The following SMC5 variants were observed in gnomAD, a reference collection of about 807,000 sequenced individuals.
SMC5 encodes structural maintenance of chromosomes 5, also known as structural maintenance of chromosomes protein 5.
Under a neutral mutation model 148.3 loss-of-function variants are expected in SMC5, and 88 were observed. That is an observed-to-expected ratio of 0.59 (90% CI 0.50 to 0.71). The LOEUF is 0.71. SMC5 is among the 30% of genes least tolerant of loss of function. The pLI is 0.00. For synonymous variants in SMC5, 421 were observed against 432.8 expected (o/e 0.97, Z 0.34); for missense variants, 1,142 against 1,298.9 (o/e 0.88, Z 1.86).
intron 17 of SMC5, among the ~76,000 whole-genome samples, chr9:70,336,605 G>A (rs1438348368): frequency 6.6e-6 from 1 of 152,202 alleles, no homozygotes; most frequent in Non-Finnish European, 1.5e-5. Context: ...AGCCTCATCA[G>A]GGCTTATTTC....
chr9:70,260,871 T>C (rs1337892026), intron 1 of SMC5, among the ~76,000 whole-genome samples: 1 of 152,150 alleles, frequency 6.6e-6, no homozygotes, highest in East Asian at 1.9e-4. Context: ...GCCTTTCAAG[T>C]AGCTCGGACT....
intron 2 of SMC5, among the ~76,000 whole-genome samples, chr9:70,265,626 A>G (rs2034269875): frequency 6.6e-6 from 1 of 152,212 alleles, no homozygotes; most frequent in South Asian, 2.1e-4. Context: ...TTTAATAAGC[A>G]TATCTAAAAT....
intron 5 of SMC5, among the ~76,000 whole-genome samples, chr9:70,279,873 A>G (rs1008037010): frequency 6.6e-6 from 1 of 151,902 alleles, no homozygotes; most frequent in African/African-American, 2.4e-5. Context: ...TCAGGGGTAC[A>G]TGTGCAGGTT....
At chr9:70,305,567 T>C (rs1337567207) in intron 11 of SMC5, among the ~76,000 whole-genome samples, 1 of 152,222 alleles carries the variant, frequency 6.6e-6, no homozygotes, top group Non-Finnish European at 1.5e-5. Context: ...GCCCATAATA[T>C]TCCATCTGTA....
At chr9:70,266,255 G>A (rs986405412) in intron 2 of SMC5, among the ~76,000 whole-genome samples, 20 of 152,122 alleles carry the variant, frequency 1.3e-4, no homozygotes, top group Non-Finnish European at 4.4e-5. Context: ...TAAAATGTGT[G>A]TGTGTGTGTT....
intron 11 of SMC5, among the ~76,000 whole-genome samples, chr9:70,309,663 A>G (rs912661979): frequency 6.6e-6 from 1 of 152,068 alleles, no homozygotes; most frequent in African/African-American, 2.4e-5. Flanking sequence ...ATTCAGTTAC[A>G]TCTTTGGGCT....
At chr9:70,298,471 A>G (rs2035267213) in intron 9 of SMC5, among the ~76,000 whole-genome samples, 1 of 152,110 alleles carries the variant, frequency 6.6e-6, no homozygotes, top group Non-Finnish European at 1.5e-5. Context: ...ATAAATGCCT[A>G]GCTTTATTTT....
At chr9:70,260,388 T>C (rs938110980) in intron 1 of SMC5, among the ~76,000 whole-genome samples, 1 of 152,192 alleles carries the variant, frequency 6.6e-6, no homozygotes, top group Non-Finnish European at 1.5e-5. Flanking sequence ...ATTACAGGCG[T>C]GAGCCACCAT....
intron 13 of SMC5, among the ~76,000 whole-genome samples, chr9:70,316,325 T>G (rs1048727940): frequency 1.3e-5 from 2 of 152,206 alleles, no homozygotes; most frequent in South Asian, 4.1e-4. Flanking sequence ...TTAAAAAATA[T>G]GTTTTACATT....
chr9:70,338,890 G>A (rs971479597), intron 17 of SMC5, among the ~76,000 whole-genome samples: 2 of 152,024 alleles, frequency 1.3e-5, no homozygotes, highest in African/African-American at 2.4e-5. Context: ...AATGATCTGA[G>A]TGTACCTATA....
At chr9:70,305,631 GT>G (rs1438127655) in intron 11 of SMC5, among the ~76,000 whole-genome samples, 45 of 152,128 alleles carry the variant, frequency 3.0e-4, no homozygotes, top group African/African-American at 1.1e-3. Flanking sequence ...ATTTTATCAT[GT>G]TTTAAGAAAA....
intron 7 of SMC5, among the ~76,000 whole-genome samples, chr9:70,284,852 C>T (rs1587640765): frequency 6.6e-6 from 1 of 151,992 alleles, no homozygotes; most frequent in Non-Finnish European, 1.5e-5. Context: ...TCTTCCTGCT[C>T]ATTCTGTTCC....
intron 3 of SMC5, among the ~76,000 whole-genome samples, chr9:70,271,470 G>A (rs1363046916): frequency 6.6e-6 from 1 of 152,130 alleles, no homozygotes; most frequent in African/African-American, 2.4e-5. Flanking sequence ...TGAGTAGAAT[G>A]GTGGGTAGAA....
At chr9:70,268,212 G>A (rs537828196) in intron 3 of SMC5, among the ~76,000 whole-genome samples, 2 of 152,218 alleles carry the variant, frequency 1.3e-5, no homozygotes, top group Admixed American at 6.5e-5. Context: ...TGGGGAGGCC[G>A]AGGTGGGCAG....
chr9:70,335,385 G>A (rs1391364583), intron 17 of SMC5, among the ~76,000 whole-genome samples: 1 of 152,108 alleles, frequency 6.6e-6, no homozygotes, highest in Non-Finnish European at 1.5e-5. Context: ...TACTTGAGAG[G>A]CTGAGGTTGG....
intron 17 of SMC5, among the ~76,000 whole-genome samples, chr9:70,325,315 A>G (rs369635437): frequency 7.2e-4 from 110 of 152,328 alleles, no homozygotes; most frequent in African/African-American, 2.5e-3. Context: ...ATTCTTTATT[A>G]TACAACACCT....
At chr9:70,305,208 G>A in intron 10 of SMC5, 39 bp from the exon 11 acceptor site, 1 of 867,680 alleles carries the variant, frequency 1.2e-6, no homozygotes, top group Non-Finnish European at 1.9e-6. Flanking sequence ...AATCAGTTGG[G>A]TTTCATGAAA....
intron 11 of SMC5, among the ~76,000 whole-genome samples, chr9:70,308,261 T>A (rs1191661670): frequency 2.6e-5 from 4 of 152,072 alleles, no homozygotes; most frequent in African/African-American, 9.7e-5. Context: ...TTACCATCAG[T>A]ATATTTAGTA....
intron 17 of SMC5, among the ~76,000 whole-genome samples, chr9:70,333,142 T>C (rs143698348): frequency 5.3e-4 from 81 of 152,298 alleles, no homozygotes; most frequent in African/African-American, 1.5e-3. Flanking sequence ...ATCATCTTTA[T>C]GGAAAATCTT....
Sources: allele counts gnomAD v4.1 joint callset (sites outside exome capture counted in the v4.1 genomes callset), GRCh38; gene constraint gnomAD v4.1.1; transcripts MANE v1.5; gene names NCBI Gene and HGNC (gene_info 2026-07-23, HGNC 2026-07-21).